RAD51D: variants seen among roughly 807,000 people sequenced by gnomAD.
RAD51D encodes DNA repair protein RAD51 homolog 4.
RAD51D carries 38 observed loss-of-function variants against 44.1 expected under a neutral mutation model. The ratio of observed to expected loss-of-function variants is 0.86; its 90% CI spans 0.67 to 1.13. The LOEUF is 1.13. Ranked by LOEUF, RAD51D falls within the 50% of genes most tolerant of loss-of-function variation. The pLI, the probability that RAD51D is intolerant of heterozygous loss-of-function variation, is 0.00. For synonymous variants in RAD51D, 141 were observed against 166.6 expected, an observed-to-expected ratio of 0.85 and a Z score of 1.18; for missense variants, 390 against 414.0, an observed-to-expected ratio of 0.94 and a Z score of 0.50.
chr17:35,114,570 G>T (rs772455411), intron 3 of RAD51D, among the ~76,000 whole-genome samples: 7 of 152,052 alleles, frequency 4.6e-5, no homozygotes, highest in Non-Finnish European at 1.0e-4. Flanking sequence ...AGCACCTGTA[G>T]TCCCAGCTAC....
At chr17:35,116,729 C>G in intron 3 of RAD51D, 4 of 696,602 alleles carry the variant, frequency 5.7e-6, no homozygotes, top group Non-Finnish European at 1.0e-5. Context: ...TTCCTGACCT[C>G]ATGATCCGCC....
At chr17:35,119,215 G>C (rs1369367222) in intron 1 of RAD51D, 43 bp from the exon 2 acceptor site, 5 of 1,556,452 alleles carry the variant, frequency 3.2e-6, no homozygotes, top group Non-Finnish European at 4.4e-6. Context: ...AGAGGACTGG[G>C]GCCTCCCACA....
In RAD51D at chr17:35,103,709, G is replaced by A. The variant is rs1027015150; in HGVS notation, c.577-165C>T. Among the ~76,000 whole-genome samples, 2 of 152,196 alleles carry A rather than the reference G, an allele frequency of 1.3e-5. No homozygotes were observed. The highest frequency in any genetic ancestry group is 2.4e-5 in the African/African-American group (1 of 41,450). On this transcript the variant is annotated intron_variant, in intron 6 of 9. Transcript: ENST00000345365. The surrounding 1 kb of genome is among the most constrained non-coding windows in gnomAD (Gnocchi z 4.1). The stretch of plus-strand genomic sequence containing the variant: ...TGTCATCAGCAGCAATGTCTCCCTC[G>A]TCCCATTGGCATGTGTAACAGACTT...
At chr17:35,110,884 T>C (rs1347080241) in intron 3 of RAD51D, among the ~76,000 whole-genome samples, 1 of 151,052 alleles carries the variant, frequency 6.6e-6, no homozygotes, top group Non-Finnish European at 1.5e-5. Context: ...AGGCGGGCGA[T>C]CACCTGAGGT....
At chr17:35,119,055 G>T (rs1458907705) in intron 2 of RAD51D, 56 bp downstream of exon 2, 1 of 1,542,984 alleles carries the variant, frequency 6.5e-7, no homozygotes, top group Non-Finnish European at 9.0e-7. Context: ...CAGCTGGCTT[G>T]GGATGGACTT....
intron 3 of RAD51D, among the ~76,000 whole-genome samples, chr17:35,109,151 G>C (rs944728830): frequency 6.6e-6 from 1 of 152,134 alleles, no homozygotes; most frequent in Non-Finnish European, 1.5e-5. Flanking sequence ...ACAGACATGA[G>C]CCACCGTGCC....
chr17:35,100,331 G>C lies in RAD51D; in HGVS notation c.*622C>G, dbSNP rs1335918257. On this transcript the variant is annotated 3_prime_UTR_variant, in exon 10 of 10. Transcript: ENST00000345365. The stretch of plus-strand genomic sequence containing the variant: ...AATAAACTGTTCTTTGGGCCTCACT[G>C]GGGGAAACTGAAAAACAGCCTTCTA... The C allele has an allele frequency of 1.9e-6, 1 of 534,054 alleles. No individual in the cohort carries two copies. 33.1% of individuals were successfully genotyped at this position (534,054 alleles called of 1,614,324 possible). A position where few individuals can be genotyped will look rare whatever the true frequency, so the allele number is the denominator to read the frequency against.
chr17:35,119,165 G>T lies in RAD51D; in HGVS notation c.90C>A (p.Asp30Glu), dbSNP rs374725981. 2 of 1,613,806 alleles carry T rather than the reference G, an allele frequency of 1.2e-6. No homozygotes were observed. Among genetic ancestry groups the T allele is most frequent in the Admixed American group, 3.3e-5 (2 of 60,010 alleles). Reference sequence around the variant, plus strand: ...CCTCTTCCAGGTCTGCAGAAACCAGGTCCACCACTGAAAACAAAACACGTA... The same window carrying T: ...CCTCTTCCAGGTCTGCAGAAACCAGTTCCACCACTGAAAACAAAACACGTA... Reference protein sequence around the residue: ...LRSHRIKTVVDLVSADLEEVA... With the variant: ...LRSHRIKTVVELVSADLEEVA... Residue 30 changes from aspartate to glutamate, a missense_variant, in exon 2 of 10, where the codon GAC (aspartate) becomes GAA (glutamate). Physicochemically the swap from Asp to Glu is conservative, Grantham distance 45. Coordinates refer to ENST00000345365, the MANE Select transcript of RAD51D (RefSeq NM_002878.4).
In RAD51D at chr17:35,109,965, C is replaced by CTT. The variant is rs60553944; in HGVS notation, c.264-2520_264-2519dup. 2.9e-4 allele frequency among the ~76,000 whole-genome samples: 39 copies of CTT among 132,764 alleles called. 4 individuals carry two copies. The highest frequency in any genetic ancestry group is 3.1e-4 in the Admixed American group (4 of 12,750). The allele number at this position is 132,764 out of a possible 152,430, so 87.1% of individuals were successfully genotyped here. ...TACAGGCGTAAGCCACCACGCCTGG[C>CTT]TTTTTTTTTTTTTTTGAGATAGGGT... On this transcript the variant is annotated intron_variant, in intron 3 of 9. Transcript: ENST00000345365.
At chr17:35,108,653 A>G (rs2091639532) in intron 3 of RAD51D, among the ~76,000 whole-genome samples, 2 of 152,050 alleles carry the variant, frequency 1.3e-5, no homozygotes, top group African/African-American at 4.8e-5. Flanking sequence ...ATTTTATCAC[A>G]TATGTAGATT....
intron 4 of RAD51D, 21 bp downstream of exon 4, chr17:35,107,345 G>T (rs2142436155): frequency 6.5e-7 from 1 of 1,532,316 alleles, no homozygotes; most frequent in Non-Finnish European, 9.0e-7. Context: ...AAATCCTCCT[G>T]ACTGCTGGCC....
chr17:35,112,004 T>C (rs1461486372), intron 3 of RAD51D, among the ~76,000 whole-genome samples: 1 of 152,264 alleles, frequency 6.6e-6, no homozygotes, highest in Non-Finnish European at 1.5e-5. Context: ...CTACACATGC[T>C]TTGTTAGACT....
Position 35,106,479 on chromosome 17 carries a change from T to TG in RAD51D, c.482dup (p.Glu162ArgfsTer13), listed in dbSNP as rs2142429748. 6.2e-7 allele frequency: 1 copy of TG among 1,610,904 alleles called. No homozygotes were observed. On this transcript the variant is annotated frameshift_variant and splice_region_variant, in exon 6 of 10. Transcript: ENST00000345365. LOFTEE classifies it high-confidence loss of function. The stretch of plus-strand genomic sequence containing the variant: ...CCACCTGGATCCTCCGGAGAGCTTC[T>TG]GCCTGAAGCGGTGGAAAAGAAAAGC...
rs1386231669 is a variant in RAD51D, at chr17:35,119,653, T to A, written c.-40A>T. 3.1e-6 allele frequency: 5 copies of A among 1,600,668 alleles called. No individual in the cohort carries two copies. The highest frequency in any genetic ancestry group is 3.4e-6 in the Non-Finnish European group (4 of 1,175,952). On this transcript the variant is annotated 5_prime_UTR_variant, in exon 1 of 10. An upstream open reading frame in the 5' UTR loses its in-frame stop. Coordinates refer to ENST00000345365, the MANE Select transcript of RAD51D (RefSeq NM_002878.4). ...GGAACAGCCCCAGGGGGACTGCACG[T>A]CACGTGGGCATTCGCGGGGGGTCCT...
At chr17:35,119,350 T>C in intron 1 of RAD51D, 178 bp from the exon 2 acceptor site, 1 of 902,210 alleles carries the variant, frequency 1.1e-6, no homozygotes, top group African/African-American at 1.6e-5. Context: ...AGTAGGAATC[T>C]CTACCCTGTT....
chr17:35,114,189 A>G (rs955740664), intron 3 of RAD51D, among the ~76,000 whole-genome samples: 2 of 151,606 alleles, frequency 1.3e-5, no homozygotes, highest in Non-Finnish European at 2.9e-5. Context: ...GGAGAATGGC[A>G]TGAACCCGGG....
Position 35,101,203 on chromosome 17 carries a change from G to A in RAD51D, c.901C>T (p.Gln301Ter), listed in dbSNP as rs1060502959. Residue 301 changes from glutamine to a stop codon, truncating the protein, a stop_gained and splice_region_variant, in exon 9 of 10, where the codon CAG becomes TAG. Coordinates refer to ENST00000345365, the MANE Select transcript of RAD51D (RefSeq NM_002878.4). LOFTEE classifies it high-confidence loss of function. ...RMACLAKSSR[Q>*]PTGFQEMVDI... Reference sequence around the variant, plus strand: ...GCATCTTCCTGGGGCTGGCTCACCTGTCGGGAAGATTTGGCCAGACACGCC... The same window carrying A: ...GCATCTTCCTGGGGCTGGCTCACCTATCGGGAAGATTTGGCCAGACACGCC... The A allele has an allele frequency of 6.2e-7, 1 of 1,614,146 alleles. No individual in the cohort carries two copies. Among genetic ancestry groups the A allele is most frequent in the Admixed American group, 1.7e-5 (1 of 60,018 alleles).
Position 35,099,635 on chromosome 17 carries a change from G to A in RAD51D, c.*1318C>T, listed in dbSNP as rs994507581. The A allele has an allele frequency of 2.7e-6, 1 of 371,482 alleles. No homozygotes were observed. The highest frequency in any genetic ancestry group is 2.1e-5 in the African/African-American group (1 of 47,192). 23.0% of individuals were successfully genotyped at this position (371,482 alleles called of 1,614,324 possible). ...CCCAATCCTCCATGATTCTATCCCTGTTGCATTCATCACCTCTAAATGTCA... is the reference window on the plus strand; with the variant it reads ...CCCAATCCTCCATGATTCTATCCCTATTGCATTCATCACCTCTAAATGTCA... On this transcript the variant is annotated 3_prime_UTR_variant, in exon 10 of 10. Transcript: ENST00000345365.
intron 3 of RAD51D, among the ~76,000 whole-genome samples, chr17:35,112,142 A>G (rs2091685767): frequency 6.6e-6 from 1 of 152,184 alleles, no homozygotes; most frequent in Non-Finnish European, 1.5e-5. Flanking sequence ...CAGTGGCGCA[A>G]TCTTGGCTCA....
Sources: gnomAD v4.1 joint callset for allele counts (sites outside exome capture counted in the v4.1 genomes callset) on GRCh38, gnomAD v4.1.1 for gene constraint, Gnocchi (gnomAD v3.1) non-coding constraint, MANE v1.5 for transcripts, NCBI Gene and HGNC (gene_info 2026-07-23, HGNC 2026-07-21) for gene names.